Variants in STXBP5 observed in about 807,000 individuals in gnomAD.
STXBP5 encodes syntaxin binding protein 5.
A neutral mutation model predicts 152.4 loss-of-function variants in STXBP5; 50 were observed. The ratio of observed to expected loss-of-function variants is 0.33; its 90% confidence interval spans 0.26 to 0.42. The LOEUF is 0.42. Among genes scored for constraint, STXBP5 ranks in the 10% least tolerant of loss-of-function variants. STXBP5 has a pLI of 1.00. For synonymous variants in STXBP5, 492 were observed against 494.7 expected, an observed-to-expected ratio of 0.99 and a Z score of 0.07; for missense variants, 1,167 against 1,388.6, an observed-to-expected ratio of 0.84 and a Z score of 2.54.
At chr6:147,328,867 C>T (rs978474936) in intron 18 of STXBP5, 3 of 438,340 alleles carry the variant, frequency 6.8e-6, no homozygotes, top group Non-Finnish European at 1.4e-5. Flanking sequence ...CTTATTAAAA[C>T]GTTCTATGTC....
rs567960802 is a variant in STXBP5, at chr6:147,377,360, A to C, written c.3193+3518A>C. Among the ~76,000 whole-genome samples, 24 of 152,324 alleles carry C rather than the reference A, an allele frequency of 1.6e-4. No individual in the cohort carries two copies. The South Asian group carries it at 4.8e-3, about 30-fold the overall frequency. The stretch of plus-strand genomic sequence containing the variant: ...AAAAAGAAAACATGAAAATGAGTGA[A>C]CTCAGCATTCATCTCAAAAAGTTAG... On this transcript the variant is annotated intron_variant, in intron 26 of 27. Transcript: ENST00000321680.
intron 26 of STXBP5, among the ~76,000 whole-genome samples, chr6:147,377,987 C>T (rs2328813): frequency 1.3e-5 from 2 of 151,948 alleles, no homozygotes; most frequent in South Asian, 2.1e-4. Context: ...TTATTTTTGA[C>T]GGAATTTAAT....
chr6:147,352,168 T>A (rs761222761), intron 21 of STXBP5, among the ~76,000 whole-genome samples: 2 of 152,228 alleles, frequency 1.3e-5, no homozygotes, highest in Non-Finnish European at 2.9e-5. Context: ...GTGGTTTGCA[T>A]CTTATGTAAA....
At chr6:147,359,747 G>C (rs1784980696) in intron 23 of STXBP5, among the ~76,000 whole-genome samples, 1 of 151,590 alleles carries the variant, frequency 6.6e-6, no homozygotes, top group South Asian at 2.1e-4. Flanking sequence ...TACAGAGAAT[G>C]ATGATTTCCA....
At chr6:147,260,002 C>T (rs1382068301) in intron 4 of STXBP5, among the ~76,000 whole-genome samples, 1 of 152,106 alleles carries the variant, frequency 6.6e-6, no homozygotes, top group Non-Finnish European at 1.5e-5. Flanking sequence ...AAATATATTT[C>T]AGAAACATTG....
In STXBP5 at chr6:147,235,268, A is replaced by G. The variant is rs1778213999; in HGVS notation, c.267A>G (p.Val89=). The change falls in exon 3 of 28, where the codon GTA becomes GTG. Residue 89 remains valine, a synonymous_variant. Coordinates refer to ENST00000321680, the MANE Select transcript of STXBP5 (RefSeq NM_001127715.4). ...GALRLFGRPG[V]ECYCQHDSGA... ...ATTACAGCTTTGGTCGTCCAGGAGT[A>G]GAATGTTATTGCCAGCATGACAGTG... 1.9e-6 allele frequency: 3 copies of G among 1,613,342 alleles called. No homozygotes were observed. In the African/African-American group the frequency reaches 4.0e-5, roughly 22 times the overall value.
At chr6:147,333,161 A>C (rs1288314173) in intron 18 of STXBP5, among the ~76,000 whole-genome samples, 1 of 152,218 alleles carries the variant, frequency 6.6e-6, no homozygotes, top group East Asian at 1.9e-4. Context: ...TACATCTATC[A>C]TCTTAGATCT....
intron 22 of STXBP5, among the ~76,000 whole-genome samples, chr6:147,358,487 G>A (rs918867544): frequency 6.6e-6 from 1 of 152,106 alleles, no homozygotes; most frequent in African/African-American, 2.4e-5. Flanking sequence ...TAAGAAAAAG[G>A]GAAAATTTAT....
At chr6:147,212,168 A>G (rs375089744) in intron 2 of STXBP5, among the ~76,000 whole-genome samples, 5 of 152,336 alleles carry the variant, frequency 3.3e-5, no homozygotes, top group African/African-American at 1.2e-4. Flanking sequence ...TCTGCTTGGA[A>G]ACAGTTTATT....
chr6:147,320,599 A>T lies in STXBP5; in HGVS notation c.1802+4192A>T, dbSNP rs573242267. Among the ~76,000 whole-genome samples the T allele has an allele frequency of 4.3e-5, 5 of 117,454 alleles. No individual in the cohort carries two copies. In the South Asian group the frequency reaches 1.4e-3, roughly 34 times the overall value. 77.1% of individuals were successfully genotyped at this position (117,454 alleles called of 152,430 possible). A position where few individuals can be genotyped will look rare whatever the true frequency, so the allele number is the denominator to read the frequency against. ...TGTGTGTGTGTGTGTGTGTGTACAC[A>T]TGCTTGATTTTTGTTTTTGGCAGCC... On this transcript the variant is annotated intron_variant, in intron 16 of 27. Transcript: ENST00000321680.
chr6:147,219,763 T>G (rs1777361185), intron 2 of STXBP5, among the ~76,000 whole-genome samples: 1 of 150,116 alleles, frequency 6.7e-6, no homozygotes, highest in Admixed American at 6.6e-5. Flanking sequence ...GTAATTTGTG[T>G]CCCCTCTCCT....
chr6:147,352,035 G>A (rs528242585), intron 21 of STXBP5: 69 of 195,974 alleles, frequency 3.5e-4, no homozygotes, highest in African/African-American at 1.6e-3. Context: ...AATAGATATA[G>A]TTGAACAACG....
intron 8 of STXBP5, among the ~76,000 whole-genome samples, chr6:147,289,162 CA>C (rs1166735338): frequency 5.9e-5 from 9 of 152,188 alleles, no homozygotes; most frequent in African/African-American, 2.2e-4. Context: ...CGCCGGCTGC[CA>C]ATATCACTTT....
Position 147,243,323 on chromosome 6 carries a change from G to A in STXBP5, c.431+4053G>A, listed in dbSNP as rs116190952. On this transcript the variant is annotated intron_variant, in intron 4 of 27. Coordinates refer to ENST00000321680, the MANE Select transcript of STXBP5 (RefSeq NM_001127715.4). ...TTACCTCATTGTTATTTTAATTTGC[G>A]GTTCCCTAGTGACACATGATATGGG... 3.9e-3 allele frequency among the ~76,000 whole-genome samples: 587 copies of A among 152,050 alleles called. 3 individuals are homozygous for A. The highest frequency in any genetic ancestry group is 0.013 in the African/African-American group (544 of 41,480).
chr6:147,371,534 TATC>T (rs1313472452), intron 25 of STXBP5, among the ~76,000 whole-genome samples: 1 of 152,120 alleles, frequency 6.6e-6, no homozygotes, highest in Non-Finnish European at 1.5e-5. Flanking sequence ...GAGAGGCAGT[TATC>T]ATTATCTCCC....
intron 26 of STXBP5, among the ~76,000 whole-genome samples, chr6:147,381,578 A>G (rs1002372036): frequency 6.6e-6 from 1 of 152,202 alleles, no homozygotes; most frequent in African/African-American, 2.4e-5. Flanking sequence ...AAACATTTGT[A>G]TAAATGTTCA....
chr6:147,307,956 T>C (rs1782176917), intron 9 of STXBP5, among the ~76,000 whole-genome samples: 1 of 152,184 alleles, frequency 6.6e-6, no homozygotes, highest in Non-Finnish European at 1.5e-5. Context: ...GTGGACATTT[T>C]ATTCTGTAAT....
intron 4 of STXBP5, among the ~76,000 whole-genome samples, chr6:147,249,440 T>C (rs1778978771): frequency 6.6e-6 from 1 of 152,148 alleles, no homozygotes; most frequent in Admixed American, 6.5e-5. Context: ...AGTACTTAAG[T>C]CTCTTGCTAG....
At chr6:147,221,240 T>C (rs1777444942) in intron 2 of STXBP5, among the ~76,000 whole-genome samples, 2 of 152,110 alleles carry the variant, frequency 1.3e-5, no homozygotes, top group South Asian at 4.1e-4. Context: ...CACCTATATA[T>C]AAGCATATGT....
Sources: allele counts gnomAD v4.1 joint callset (sites outside exome capture counted in the v4.1 genomes callset), GRCh38; gene constraint gnomAD v4.1.1; transcripts MANE v1.5; gene names NCBI Gene and HGNC (gene_info 2026-07-23, HGNC 2026-07-21).